The following EIF4ENIF1 variants were observed in gnomAD, a reference collection of about 807,000 sequenced individuals.
EIF4ENIF1 encodes eukaryotic translation initiation factor 4E transporter.
EIF4ENIF1 carries 23 observed loss-of-function variants against 110.5 expected under a neutral mutation model. The observed-to-expected ratio is 0.21, with a 90% CI of 0.15 to 0.29. The LOEUF (loss-of-function observed/expected upper bound fraction) is 0.29, where lower values mean the gene tolerates loss of function less well. Ranked by LOEUF, EIF4ENIF1 falls within the 10% of genes least tolerant of loss-of-function variation. The probability of loss-of-function intolerance (pLI) is 1.00; values close to 1 mark genes in which losing one functional copy is unlikely to be tolerated. For missense variants in EIF4ENIF1, 1,031 were observed against 1,221.1 expected, an observed-to-expected ratio of 0.84 and a Z score of 2.32; for synonymous variants, 440 against 437.0, an observed-to-expected ratio of 1.01 and a Z score of -0.09.
chr22:31,448,078 T>A (rs1417387759), intron 13 of EIF4ENIF1, 75 bp downstream of exon 13: 4 of 1,520,408 alleles, frequency 2.6e-6, no homozygotes, highest in Non-Finnish European at 3.7e-6. Context: ...TCACAACAGT[T>A]CAGCTCTCCA....
intron 6 of EIF4ENIF1, among the ~76,000 whole-genome samples, chr22:31,462,579 G>A (rs1004623261): frequency 5.3e-5 from 8 of 152,002 alleles, no homozygotes; most frequent in African/African-American, 1.9e-4. Context: ...CAATTAGCCA[G>A]TGATAATCAC....
Position 31,449,358 on chromosome 22 carries a change from T to C in EIF4ENIF1, c.1758A>G (p.Pro586=). The stretch of plus-strand genomic sequence containing the variant: ...AATAAGTATATTTACCAATTGGTGA[T>C]GGTATTCTTGGGCGAAGGTAGTCAG... ...ASADYLRPRI[P]SPIGFTPGPQ... The change falls in exon 12 of 19, where the codon CCA becomes CCG. Residue 586 remains proline (P), a synonymous_variant. Transcript: ENST00000330125. The C allele has an allele frequency of 6.2e-7, 1 of 1,613,466 alleles. No individual in the cohort carries two copies. Among genetic ancestry groups the C allele is most frequent in the Non-Finnish European group, 8.5e-7 (1 of 1,179,848 alleles).
rs370667959 is a variant in EIF4ENIF1 at position 31,472,520 on chromosome 22, C to T, written c.97-603G>A. ...CTGACCTCAGGCGATCTGCCCGCCT[C>T]GGCCTCCCAAAGTGCTGGGATTACA... On this transcript the variant is annotated intron_variant, in intron 2 of 18. Transcript: ENST00000330125. Among the ~76,000 whole-genome samples, 6 of 152,118 alleles carry T rather than the reference C, an allele frequency of 3.9e-5. No individual in the cohort carries two copies. In the South Asian group the frequency reaches 6.2e-4, roughly 16 times the overall value.
intron 10 of EIF4ENIF1, among the ~76,000 whole-genome samples, chr22:31,452,984 T>C (rs1049016114): frequency 6.6e-6 from 1 of 152,168 alleles, no homozygotes; most frequent in African/African-American, 2.4e-5. Flanking sequence ...CAAACAGCTA[T>C]TGCTACTTGC....
chr22:31,478,535 A>AG (rs71202081), intron 2 of EIF4ENIF1, among the ~76,000 whole-genome samples: 1 of 150,736 alleles, frequency 6.6e-6, no homozygotes. Context: ...AAAAAAAAAA[A>AG]TGCTGAGTGC....
At chr22:31,487,743 T>C (rs989520989) in intron 2 of EIF4ENIF1, among the ~76,000 whole-genome samples, 12 of 149,982 alleles carry the variant, frequency 8.0e-5, no homozygotes, top group Middle Eastern at 3.4e-3. Flanking sequence ...TGAGCCATGA[T>C]TGCACCACTG....
rs199936425 is a variant in EIF4ENIF1, at chr22:31,440,766, A to G, written c.2654T>C (p.Leu885Ser). ...YPLPAASHPLLNPRPGTPLHL... is the reference protein window; with the variant it reads ...YPLPAASHPLSNPRPGTPLHL... Reference sequence around the variant, plus strand: ...CAGAGGTGTTCCAGGACGAGGGTTTAAGAGAGGGTGACTAGCAGCAGGTAA... The same window carrying G: ...CAGAGGTGTTCCAGGACGAGGGTTTGAGAGAGGGTGACTAGCAGCAGGTAA... The change falls in exon 18 of 19, where the codon TTA (leucine) becomes TCA (serine). Residue 885 changes from leucine to serine, a missense_variant. Physicochemically the swap from Leu to Ser is moderately radical, Grantham distance 145. Transcript: ENST00000330125. 6.2e-7 allele frequency: 1 copy of G among 1,614,006 alleles called. No individual in the cohort carries two copies. Among genetic ancestry groups the G allele is most frequent in the Non-Finnish European group, 8.5e-7 (1 of 1,179,876 alleles).
chr22:31,443,730 C>T lies in EIF4ENIF1; in HGVS notation c.2074-636G>A, dbSNP rs939988064. On this transcript the variant is annotated intron_variant, in intron 15 of 18. Coordinates refer to ENST00000330125, the MANE Select transcript of EIF4ENIF1 (RefSeq NM_019843.4). ...AAGACCCACGTGGGGTTCTGAAGCACGCAGCAAAGTTATTTTTTTTTTTCC... is the reference window on the plus strand; with the variant it reads ...AAGACCCACGTGGGGTTCTGAAGCATGCAGCAAAGTTATTTTTTTTTTTCC... Among the ~76,000 whole-genome samples the T allele has an allele frequency of 3.3e-5, 5 of 151,568 alleles. No individual in the cohort carries two copies. In the East Asian group the frequency reaches 5.8e-4, roughly 18 times the overall value.
chr22:31,484,495 G>C (rs2146102847), intron 2 of EIF4ENIF1, among the ~76,000 whole-genome samples: 1 of 151,016 alleles, frequency 6.6e-6, no homozygotes, highest in East Asian at 2.0e-4. Context: ...GACCCTGTAA[G>C]TAAACATACA....
At chr22:31,450,512 T>C in intron 10 of EIF4ENIF1, 152 bp from the exon 11 acceptor site, 1 of 550,098 alleles carries the variant, frequency 1.8e-6, no homozygotes. Context: ...CGTGTTCCGC[T>C]CTCATCACAC....
At position 31,440,915 on chromosome 22, in the gene EIF4ENIF1, G is replaced by A. The variant is rs373897495; in HGVS notation, c.2552-47C>T. On this transcript the variant is annotated intron_variant, in intron 17 of 18. Transcript: ENST00000330125. ...CAGCTGAGTAGTCTTAATGTTACCT[G>A]GAAGTTTTCCAGCTTCACTGTACAG... 621 of 1,606,510 alleles carry A rather than the reference G, an allele frequency of 3.9e-4. 1 individual carries two copies. Among genetic ancestry groups the A allele is most frequent in the Admixed American group, 5.8e-4 (34 of 58,366 alleles).
Position 31,450,463 on chromosome 22 carries a change from T to C in EIF4ENIF1, c.1513-103A>G, listed in dbSNP as rs143672540. 1.6e-3 allele frequency: 1,364 copies of C among 851,860 alleles called. 5 individuals are homozygous for C. Among genetic ancestry groups the C allele is most frequent in the Middle Eastern group, 3.3e-3 (13 of 3,960 alleles). 52.8% of individuals were successfully genotyped at this position (851,860 alleles called of 1,614,324 possible). On this transcript the variant is annotated intron_variant, in intron 10 of 18. Transcript: ENST00000330125. ...GCATAAAATACTCCTAGGGAGTTAA[T>C]AGCAGAATGATACTCAAGTCACAGA...
chr22:31,462,328 A>G (rs1336008438), intron 6 of EIF4ENIF1, among the ~76,000 whole-genome samples: 1 of 151,916 alleles, frequency 6.6e-6, no homozygotes, highest in Non-Finnish European at 1.5e-5. Context: ...CTAAAAATAG[A>G]AAAAATTACC....
At chr22:31,440,567 T>C (rs1305832503) in intron 18 of EIF4ENIF1, 137 bp downstream of exon 18, 1 of 1,100,276 alleles carries the variant, frequency 9.1e-7, no homozygotes, top group Non-Finnish European at 1.3e-6. Flanking sequence ...CATCTTATTA[T>C]CTGGTTACAC....
chr22:31,452,385 A>C (rs567354925), intron 10 of EIF4ENIF1, among the ~76,000 whole-genome samples: 1 of 152,316 alleles, frequency 6.6e-6, no homozygotes, highest in Admixed American at 6.5e-5. Flanking sequence ...AGCCACTTGA[A>C]TGTGTCATCC....
intron 5 of EIF4ENIF1, 80 bp downstream of exon 5, chr22:31,463,601 G>A (rs777423631): frequency 9.5e-5 from 129 of 1,355,198 alleles, no homozygotes; most frequent in Middle Eastern, 7.2e-4. Context: ...AGTCAAGATC[G>A]TGCCATTGCA....
At chr22:31,455,719 C>A in intron 8 of EIF4ENIF1, 133 bp downstream of exon 8, 1 of 1,221,908 alleles carries the variant, frequency 8.2e-7, no homozygotes, top group Middle Eastern at 2.0e-4. Flanking sequence ...ATTAAAAGGA[C>A]ACAAATTGAA....
Position 31,463,834 on chromosome 22 carries a change from A to G in EIF4ENIF1, c.432T>C (p.Ser144=), listed in dbSNP as rs752028406. 5 of 1,613,950 alleles carry G rather than the reference A, an allele frequency of 3.1e-6. No individual in the cohort carries two copies. The highest frequency in any genetic ancestry group is 1.1e-5 in the South Asian group (1 of 91,074). The change falls in exon 5 of 19, where the codon AGT becomes AGC. Residue 144 remains serine (S), a synonymous_variant. Coordinates refer to ENST00000330125, the MANE Select transcript of EIF4ENIF1 (RefSeq NM_019843.4). The part of the protein sequence containing the change: ...RRSGSPLEKD[S]DGLRLLGGRR... ...GTCCACCAAGCAGACGAAGCCCATC[A>G]CTATCTTTCTCTAATGGACTTCCTG...
intron 2 of EIF4ENIF1, among the ~76,000 whole-genome samples, chr22:31,477,721 T>C (rs2051643499): frequency 6.6e-6 from 1 of 152,180 alleles, no homozygotes; most frequent in Non-Finnish European, 1.5e-5. Flanking sequence ...CCAAATACAA[T>C]GGCTAAAACA....
Sources: allele counts gnomAD v4.1 joint callset (sites outside exome capture counted in the v4.1 genomes callset), GRCh38; gene constraint gnomAD v4.1.1; transcripts MANE v1.5; gene names NCBI Gene and HGNC (gene_info 2026-07-23, HGNC 2026-07-21).